Variants in SGPL1 observed in about 807,000 individuals in gnomAD.
SGPL1 encodes the protein sphingosine-1-phosphate lyase 1.
In SGPL1, 37 loss-of-function variants were observed where a neutral mutation model predicts 68.9. The observed-to-expected ratio is 0.54, with a 90% CI of 0.41 to 0.71. The LOEUF is 0.71. SGPL1 is among the 30% of genes least tolerant of loss of function. The probability of loss-of-function intolerance (pLI) is 0.00; values close to 1 mark genes in which losing one functional copy is unlikely to be tolerated. For synonymous variants in SGPL1, 236 were observed against 248.5 expected (o/e 0.95, Z 0.47); for missense variants, 551 against 704.6 (o/e 0.78, Z 2.47).
chr10:70,818,065 ATGG>A (rs1363238209), intron 2 of SGPL1, among the ~76,000 whole-genome samples: 1 of 152,144 alleles, frequency 6.6e-6, no homozygotes, highest in African/African-American at 2.4e-5. Context: ...TAGCTTTGAA[ATGG>A]TGGTATAGAA....
At chr10:70,857,383 A>G (rs1589464958) in intron 5 of SGPL1, 3 of 437,518 alleles carry the variant, frequency 6.9e-6, no homozygotes, top group African/African-American at 2.0e-5. Flanking sequence ...TTGTAGCTAA[A>G]TGCTATTAAT....
chr10:70,875,493 TCAAACCTGATGA>T lies in SGPL1; in HGVS notation c.1392_1403del (p.Asn465_Thr468del). 6.2e-7 allele frequency: 1 copy of T among 1,613,746 alleles called. No homozygotes were observed. Among genetic ancestry groups the T allele is most frequent in the Non-Finnish European group, 8.5e-7 (1 of 1,179,700 alleles). Reference sequence around the variant, plus strand: ...CCGTGATTTTGACATCTACCGACTATCAAACCTGATGACTGCTAAGGGGTGGAACTTGAACCA... The same window carrying T: ...CCGTGATTTTGACATCTACCGACTATCTGCTAAGGGGTGGAACTTGAACCA... On this transcript the variant is annotated inframe_deletion, in exon 13 of 15. Coordinates refer to ENST00000373202, the MANE Select transcript of SGPL1 (RefSeq NM_003901.4).
At chr10:70,843,016 G>A (rs1457975722) in intron 2 of SGPL1, among the ~76,000 whole-genome samples, 1 of 152,218 alleles carries the variant, frequency 6.6e-6, no homozygotes, top group Non-Finnish European at 1.5e-5. Context: ...GCCATATGCA[G>A]ACTCTTTTTA....
At position 70,834,581 on chromosome 10, in the gene SGPL1, C is replaced by G. The variant is rs561951207; in HGVS notation, c.28-9892C>G. Among the ~76,000 whole-genome samples, 21 of 152,316 alleles carry G rather than the reference C, an allele frequency of 1.4e-4. No individual in the cohort carries two copies. In the South Asian group the frequency reaches 3.3e-3, roughly 24 times the overall value. ...AAATAAGTAGTATGAGTGTAAGTCTCTAGCTCAGAGAAGAATGAAGTTTGC... is the reference window on the plus strand; with the variant it reads ...AAATAAGTAGTATGAGTGTAAGTCTGTAGCTCAGAGAAGAATGAAGTTTGC... On this transcript the variant is annotated intron_variant, in intron 2 of 14. Transcript: ENST00000373202.
intron 12 of SGPL1, among the ~76,000 whole-genome samples, chr10:70,874,962 G>T (rs1846359502): frequency 2.0e-5 from 3 of 152,138 alleles, no homozygotes; most frequent in Admixed American, 1.3e-4. Context: ...TCCTCCTATA[G>T]CTCTGATAGG....
intron 7 of SGPL1, 106 bp from the exon 8 acceptor site, chr10:70,868,239 A>G (rs1229690955): frequency 2.4e-6 from 2 of 837,962 alleles, no homozygotes; most frequent in African/African-American, 3.5e-5. Flanking sequence ...TGCAGCATGC[A>G]TCCAAGACCT....
At chr10:70,867,826 A>G (rs975516215) in intron 7 of SGPL1, among the ~76,000 whole-genome samples, 2 of 152,238 alleles carry the variant, frequency 1.3e-5, no homozygotes, top group African/African-American at 2.4e-5. Flanking sequence ...CAGATAAGGC[A>G]ACAAACTTCC....
intron 2 of SGPL1, among the ~76,000 whole-genome samples, chr10:70,828,887 C>T (rs1312984619): frequency 6.6e-6 from 1 of 152,118 alleles, no homozygotes; most frequent in Non-Finnish European, 1.5e-5. Context: ...GTCTTAATGG[C>T]ACCGAGTCTT....
chr10:70,867,708 CT>C (rs1490918236), intron 7 of SGPL1, among the ~76,000 whole-genome samples: 3 of 152,124 alleles, frequency 2.0e-5, no homozygotes, highest in Non-Finnish European at 4.4e-5. Flanking sequence ...ACCCCTACGT[CT>C]TTTTGTTTGA....
intron 7 of SGPL1, among the ~76,000 whole-genome samples, chr10:70,862,916 C>T (rs1038451066): frequency 6.6e-6 from 1 of 152,174 alleles, no homozygotes; most frequent in Non-Finnish European, 1.5e-5. Flanking sequence ...CAGTAGAAGC[C>T]CATTGGGCTT....
chr10:70,833,683 A>G (rs1309363116), intron 2 of SGPL1, among the ~76,000 whole-genome samples: 2 of 152,204 alleles, frequency 1.3e-5, no homozygotes, highest in Admixed American at 6.5e-5. Context: ...GCAGAAGCTG[A>G]TAAGAATAAA....
chr10:70,861,337 G>C (rs1316689289), intron 7 of SGPL1, among the ~76,000 whole-genome samples: 1 of 152,202 alleles, frequency 6.6e-6, no homozygotes, highest in East Asian at 1.9e-4. Context: ...AGAGAAAATA[G>C]ATTACCTACA....
chr10:70,844,829 T>G (rs775013393), intron 3 of SGPL1, among the ~76,000 whole-genome samples, 191 bp downstream of exon 3: 1 of 152,174 alleles, frequency 6.6e-6, no homozygotes, highest in Non-Finnish European at 1.5e-5. Flanking sequence ...AACCTCTGCC[T>G]CCCAGGTTCA....
intron 6 of SGPL1, 89 bp from the exon 7 acceptor site, chr10:70,859,282 A>C (rs545760194): frequency 1.2e-5 from 12 of 986,826 alleles, no homozygotes; most frequent in Non-Finnish European, 1.6e-5. Flanking sequence ...TGTTGTGCCT[A>C]ATACTTAGAA....
In SGPL1 at chr10:70,816,806, T is replaced by G. The variant is rs774063361; in HGVS notation, c.-43-5T>G. 1.2e-6 allele frequency: 2 copies of G among 1,603,352 alleles called. No individual in the cohort carries two copies. Among genetic ancestry groups the G allele is most frequent in the South Asian group, 2.2e-5 (2 of 90,822 alleles). The stretch of plus-strand genomic sequence containing the variant: ...GAAGTAAACAAACCTGGTTCCCTTT[T>G]ACAGAGTCTGAAAAAGGGGAGCGCG... On this transcript the variant is annotated splice_region_variant and splice_polypyrimidine_tract_variant and intron_variant, in intron 1 of 14. Coordinates refer to ENST00000373202, the MANE Select transcript of SGPL1 (RefSeq NM_003901.4).
chr10:70,851,023 C>G, intron 3 of SGPL1, 120 bp from the exon 4 acceptor site: 1 of 738,316 alleles, frequency 1.4e-6, no homozygotes, highest in Non-Finnish European at 2.3e-6. Flanking sequence ...ATTTTTTAAA[C>G]GAAAGAAACT....
chr10:70,844,734 T>G (rs79747416), intron 3 of SGPL1, 96 bp downstream of exon 3: 4 of 1,212,340 alleles, frequency 3.3e-6, no homozygotes, highest in Non-Finnish European at 4.6e-6. Flanking sequence ...CTTTTGGTTG[T>G]TTTTTTGTTT....
chr10:70,878,228 T>C lies in SGPL1; in HGVS notation c.*893T>C, dbSNP rs1192391133. On this transcript the variant is annotated 3_prime_UTR_variant, in exon 15 of 15. Transcript: ENST00000373202. ...GATCGACCAAGCTGCCGTTCCCTAT[T>C]CTGCAGGACAGGACTATTCTAGCAT... The C allele has an allele frequency of 6.6e-6, 1 of 152,300 alleles. No individual in the cohort carries two copies. The highest frequency in any genetic ancestry group is 6.5e-5 in the Admixed American group (1 of 15,284). 9.4% of individuals were successfully genotyped at this position (152,300 alleles called of 1,614,324 possible).
At chr10:70,854,533 T>A (rs572709012) in intron 4 of SGPL1, among the ~76,000 whole-genome samples, 175 bp from the exon 5 acceptor site, 1 of 152,226 alleles carries the variant, frequency 6.6e-6, no homozygotes, top group Non-Finnish European at 1.5e-5. Context: ...GAGGCTATTG[T>A]ACATGCCAGA....
Sources: allele counts gnomAD v4.1 joint callset (sites outside exome capture counted in the v4.1 genomes callset), GRCh38; gene constraint gnomAD v4.1.1; transcripts MANE v1.5; gene names NCBI Gene and HGNC (gene_info 2026-07-23, HGNC 2026-07-21).